Variants in ETV4 observed in about 807,000 individuals in gnomAD.
ETV4 encodes the protein ETS translocation variant 4.
In ETV4, 42 loss-of-function variants were observed where a neutral mutation model predicts 65.9. The ratio of observed to expected loss-of-function variants is 0.64; its 90% CI spans 0.50 to 0.82. The LOEUF is 0.82. ETV4 is among the 40% of genes least tolerant of loss of function. ETV4 has a pLI of 0.00. For synonymous variants in ETV4, 238 were observed against 260.0 expected (o/e 0.92, Z 0.81); for missense variants, 583 against 630.3 (o/e 0.92, Z 0.80).
intron 8 of ETV4, among the ~76,000 whole-genome samples, chr17:43,532,356 G>A (rs1028003971): frequency 4.6e-5 from 7 of 152,016 alleles, no homozygotes; most frequent in Admixed American, 1.3e-4. Context: ...AAAATTAGCC[G>A]GGCACGGTGG....
Position 43,528,739 on chromosome 17 carries a change from G to A in ETV4, c.1235C>T (p.Ala412Val), listed in dbSNP as rs780818960. The A allele has an allele frequency of 4.3e-6, 7 of 1,613,752 alleles. No individual in the cohort carries two copies. The Admixed American group carries it at 8.3e-5, about 19-fold the overall frequency. Residue 412 changes from alanine to valine, a missense_variant, in exon 13 of 13, where the codon GCT (alanine) becomes GTT (valine). Transcript: ENST00000319349. The part of the protein sequence containing the change: ...YYEKGIMQKV[A>V]GERYVYKFVC... Reference sequence around the variant, plus strand: ...AAACTTGTACACGTAACGCTCACCAGCCACCTATGGGGAGAGAGAAGGTCT... The same window carrying A: ...AAACTTGTACACGTAACGCTCACCAACCACCTATGGGGAGAGAGAAGGTCT...
In ETV4 at chr17:43,533,932, TG is replaced by T; in HGVS notation, c.309del (p.Thr104GlnfsTer60). The T allele has an allele frequency of 6.4e-7, 1 of 1,561,830 alleles. No homozygotes were observed. Among genetic ancestry groups the T allele is most frequent in the East Asian group, 2.4e-5 (1 of 41,890 alleles). ...CTGCTGCAGGACAGGGCCGGGTCTGTGCGGGGACTCTGGGGCTCCTTCTTGA... is the reference window on the plus strand; with the variant it reads ...CTGCTGCAGGACAGGGCCGGGTCTGTCGGGGACTCTGGGGCTCCTTCTTGA... ...TRIKKEPQSP[R>X]TDPALSCSRK... On this transcript the variant is annotated frameshift_variant, in exon 6 of 13. Transcript: ENST00000319349. LOFTEE classifies it high-confidence loss of function.
chr17:43,532,650 C>T (rs760544272), intron 8 of ETV4, 24 bp downstream of exon 8: 1 of 1,599,578 alleles, frequency 6.3e-7, no homozygotes, highest in Non-Finnish European at 8.5e-7. Context: ...TCACATGCCA[C>T]CCTGCCCCAC....
chr17:43,545,193 C>A, intron 3 of ETV4, 81 bp downstream of exon 3: 1 of 803,886 alleles, frequency 1.2e-6, no homozygotes, highest in Non-Finnish European at 1.8e-6. Context: ...CCAGAATCGG[C>A]CGTGTGTGTG....
chr17:43,537,563 G>A (rs1332513946), intron 4 of ETV4, among the ~76,000 whole-genome samples: 1 of 151,538 alleles, frequency 6.6e-6, no homozygotes, highest in Non-Finnish European at 1.5e-5. Flanking sequence ...AGGCGTGGCG[G>A]TGGGCACCTG....
chr17:43,537,083 C>T (rs1250692800), intron 4 of ETV4, among the ~76,000 whole-genome samples: 2 of 152,168 alleles, frequency 1.3e-5, no homozygotes, highest in Non-Finnish European at 2.9e-5. Flanking sequence ...ACATAGGAGG[C>T]GGCCAGGCAT....
At chr17:43,530,434 G>A in intron 8 of ETV4, 1 of 1,397,330 alleles carries the variant, frequency 7.2e-7, no homozygotes, top group South Asian at 1.5e-5. Flanking sequence ...GGCTGGGCAA[G>A]CTGTTCTGAA....
Position 43,545,021 on chromosome 17 carries a change from A to T in ETV4, c.156T>A (p.Asp52Glu), listed in dbSNP as rs542080771. 2 of 1,613,806 alleles carry T rather than the reference A, an allele frequency of 1.2e-6. No individual in the cohort carries two copies. Among genetic ancestry groups the T allele is most frequent in the East Asian group, 2.2e-5 (1 of 44,854 alleles). The change falls in exon 4 of 13, where the codon GAT becomes GAA. Residue 52 changes from aspartate (D) to glutamate (E), a missense_variant and splice_region_variant. Transcript: ENST00000319349. ...PGSLPPLDSE[D>E]LFQDLSHFQE... is the part of the protein sequence containing the mutation. ...GGAAGTGACTTAGATCCTGGAAGAG[A>T]TCTGAGGGGTAAATAGTGGAATTGG...
intron 4 of ETV4, among the ~76,000 whole-genome samples, chr17:43,543,684 A>G (rs1428759714): frequency 6.6e-6 from 1 of 152,182 alleles, no homozygotes; most frequent in Non-Finnish European, 1.5e-5. Context: ...CTCTGCCTGT[A>G]AATTGGAGCT....
chr17:43,528,734 C>T lies in ETV4; in HGVS notation c.1240G>A (p.Glu414Lys). Reference sequence around the variant, plus strand: ...CACACAAACTTGTACACGTAACGCTCACCAGCCACCTATGGGGAGAGAGAA... The same window carrying T: ...CACACAAACTTGTACACGTAACGCTTACCAGCCACCTATGGGGAGAGAGAA... ...EKGIMQKVAG[E>K]RYVYKFVCEP... The change falls in exon 13 of 13, where the codon GAG becomes AAG. Residue 414 changes from glutamate to lysine, a missense_variant. By Grantham distance (56) the Glu-to-Lys change is moderately conservative. Coordinates refer to ENST00000319349, the MANE Select transcript of ETV4 (RefSeq NM_001079675.5). 1 of 1,613,940 alleles carries T rather than the reference C, an allele frequency of 6.2e-7. No individual in the cohort carries two copies. The highest frequency in any genetic ancestry group is 8.5e-7 in the Non-Finnish European group (1 of 1,179,888).
intron 8 of ETV4, among the ~76,000 whole-genome samples, chr17:43,531,245 G>A (rs981640095): frequency 2.0e-5 from 3 of 152,198 alleles, no homozygotes; most frequent in African/African-American, 4.8e-5. Flanking sequence ...CAGATCTAGG[G>A]CTACTAATGT....
chr17:43,538,906 AGG>A (rs1971382603), intron 4 of ETV4, among the ~76,000 whole-genome samples: 1 of 152,142 alleles, frequency 6.6e-6, no homozygotes, highest in Non-Finnish European at 1.5e-5. Context: ...ATGGCTGGTG[AGG>A]GGTATGAGAT....
At chr17:43,530,397 G>C in intron 8 of ETV4, 1 of 1,430,626 alleles carries the variant, frequency 7.0e-7, no homozygotes, top group Non-Finnish European at 9.1e-7. Context: ...GAGGGCTGCG[G>C]CTGAGGCCAT....
intron 4 of ETV4, among the ~76,000 whole-genome samples, chr17:43,539,035 C>G (rs1159419155): frequency 6.6e-6 from 1 of 152,340 alleles, no homozygotes; most frequent in East Asian, 1.9e-4. Flanking sequence ...GGCCTCTTAC[C>G]AGGATACCCT....
intron 11 of ETV4, 126 bp downstream of exon 11, chr17:43,529,377 CT>C (rs1370641335): frequency 1.2e-5 from 17 of 1,420,650 alleles, no homozygotes; most frequent in Non-Finnish European, 1.7e-5. Flanking sequence ...CAGACTTAGG[CT>C]TGGCAAGAAT....
At position 43,545,418 on chromosome 17, in the gene ETV4, G is replaced by A. The variant is rs1290331716; in HGVS notation, c.61-51C>T. On this transcript the variant is annotated intron_variant, in intron 2 of 12. Transcript: ENST00000319349. ...CGAGTCACCCTGAGGCGCTTAGTCT[G>A]GGGGACGAGGTTGGGGTCCTCGGGT... The A allele has an allele frequency of 2.7e-6, 4 of 1,496,070 alleles. No individual in the cohort carries two copies. In the Admixed American group the frequency reaches 6.1e-5, roughly 23 times the overall value. 92.7% of individuals were successfully genotyped at this position (1,496,070 alleles called of 1,614,324 possible).
Position 43,529,175 on chromosome 17 carries a change from C to A in ETV4, c.1190G>T (p.Arg397Leu), listed in dbSNP as rs765893929. 1.2e-6 allele frequency: 2 copies of A among 1,613,932 alleles called. No homozygotes were observed. Among genetic ancestry groups the A allele is most frequent in the Non-Finnish European group, 8.5e-7 (1 of 1,179,984 alleles). ...RPAMNYDKLS[R>L]SLRYYYEKGI... ...TTTCTCATAATAGTATCGGAGCGAG[C>A]GGCTCAGCTTGTCGTAATTCATGGC... is the stretch of plus-strand genomic sequence containing the variant. The change falls in exon 12 of 13, where the codon CGC (arginine) becomes CTC (leucine). Residue 397 changes from arginine to leucine, a missense_variant. Arg to Leu is a moderately radical substitution (Grantham distance 102). Transcript: ENST00000319349.
intron 4 of ETV4, among the ~76,000 whole-genome samples, chr17:43,541,271 G>A (rs917308679): frequency 3.9e-5 from 6 of 152,232 alleles, no homozygotes; most frequent in Admixed American, 6.5e-5. Context: ...TGAGCCTCGC[G>A]TTCCTGGAGA....
At position 43,533,918 on chromosome 17, in the gene ETV4, C is replaced by T. The variant is rs569449681; in HGVS notation, c.324G>A (p.Leu108=). The T allele has an allele frequency of 5.0e-6, 8 of 1,592,454 alleles. No homozygotes were observed. The East Asian group carries it at 1.4e-4, about 27-fold the overall frequency. ...EPQSPRTDPA[L]SCSRKPPLPY... ...GGAGTGGCGGCTTCCTGCTGCAGGA[C>T]AGGGCCGGGTCTGTGCGGGGACTCT... Residue 108 remains leucine, a synonymous_variant, in exon 6 of 13, where the codon CTG becomes CTA. Coordinates refer to ENST00000319349, the MANE Select transcript of ETV4 (RefSeq NM_001079675.5).
Sources: allele counts gnomAD v4.1 joint callset (sites outside exome capture counted in the v4.1 genomes callset), GRCh38; gene constraint gnomAD v4.1.1; transcripts MANE v1.5; gene names NCBI Gene and HGNC (gene_info 2026-07-23, HGNC 2026-07-21).